The following N4BP2 variants were observed in gnomAD, a reference collection of about 807,000 sequenced individuals.
N4BP2 encodes the protein NEDD4 binding protein 2, also known as NEDD4-binding protein 2.
In N4BP2, 91 loss-of-function variants were observed where a neutral mutation model predicts 152.8. That is an observed-to-expected ratio of 0.60 (90% CI 0.50 to 0.71). The LOEUF (loss-of-function observed/expected upper bound fraction) is 0.71. N4BP2 is among the 30% of genes least tolerant of loss of function. The pLI, the probability that N4BP2 is intolerant of heterozygous loss-of-function variation, is 0.00. For missense variants in N4BP2, 1,923 were observed against 2,059.1 expected, an observed-to-expected ratio of 0.93 and a Z score of 1.28; for synonymous variants, 646 against 705.3, an observed-to-expected ratio of 0.92 and a Z score of 1.33.
At chr4:40,084,231 G>C (rs530421441) in intron 2 of N4BP2, among the ~76,000 whole-genome samples, 1 of 152,258 alleles carries the variant, frequency 6.6e-6, no homozygotes, top group South Asian at 2.1e-4. Context: ...GATTACAGGC[G>C]TGAGCCACCG....
intron 1 of N4BP2, among the ~76,000 whole-genome samples, chr4:40,066,452 G>A: frequency 6.6e-6 from 1 of 151,556 alleles, no homozygotes; most frequent in Non-Finnish European, 1.5e-5. Context: ...CCAAGTACCT[G>A]GGACTACAGG....
chr4:40,175,430 G>C, the N4BP2 span, among the ~76,000 whole-genome samples: 1 of 152,144 alleles, frequency 6.6e-6, no homozygotes, highest in South Asian at 2.1e-4. Context: ...GATAGAGGAT[G>C]GGGGGATACA....
At position 40,138,987 on chromosome 4, in the gene N4BP2, G is replaced by T. The variant is rs73144073; in HGVS notation, c.4785+1905G>T. On this transcript the variant is annotated intron_variant, in intron 14 of 17. Transcript: ENST00000261435. ...AGAAGCCAGCTAGAATTTTGATGGG[G>T]TTCGTGTTGAATATGTAGACCAATT... 2.0e-3 allele frequency among the ~76,000 whole-genome samples: 310 copies of T among 152,258 alleles called. 4 individuals carry two copies. The highest frequency in any genetic ancestry group is 7.1e-3 in the African/African-American group (296 of 41,554).
Position 40,117,859 on chromosome 4 carries a change from G to T in N4BP2, c.1665-10G>T. 2 of 1,580,410 alleles carry T rather than the reference G, an allele frequency of 1.3e-6. No homozygotes were observed. Among genetic ancestry groups the T allele is most frequent in the Non-Finnish European group, 1.7e-6 (2 of 1,165,834 alleles). ...ATTCCTTCAACCCTTTTTTCCCCTGGAATTTTCAGGCGTAACATTCATGGG... is the reference window on the plus strand; with the variant it reads ...ATTCCTTCAACCCTTTTTTCCCCTGTAATTTTCAGGCGTAACATTCATGGG... On this transcript the variant is annotated splice_polypyrimidine_tract_variant and intron_variant, in intron 7 of 17. Transcript: ENST00000261435.
At chr4:40,152,682 T>G in intron 16 of N4BP2, 98 bp from the exon 17 acceptor site, 1 of 1,399,526 alleles carries the variant, frequency 7.1e-7, no homozygotes, top group South Asian at 1.3e-5. Context: ...AAAATCCTCA[T>G]GAAAACAATT....
At chr4:40,174,003 A>T in the N4BP2 span, among the ~76,000 whole-genome samples, 2 of 152,186 alleles carry the variant, frequency 1.3e-5, no homozygotes, top group African/African-American at 4.8e-5. Flanking sequence ...AAACACTAAA[A>T]CTACAAAAAA....
At chr4:40,090,629 C>G (rs1714436222) in intron 2 of N4BP2, among the ~76,000 whole-genome samples, 1 of 152,052 alleles carries the variant, frequency 6.6e-6, no homozygotes, top group African/African-American at 2.4e-5. Context: ...TATGTATTGT[C>G]TTGCTTAAAG....
chr4:40,181,418 A>G, the N4BP2 span, among the ~76,000 whole-genome samples: 7 of 152,182 alleles, frequency 4.6e-5, no homozygotes, highest in Non-Finnish European at 1.0e-4. Flanking sequence ...TTAGGATTAG[A>G]TTAAATTGTA....
At position 40,156,032 on chromosome 4, in the gene N4BP2, A is replaced by C. The variant is rs545941276; in HGVS notation, c.*1795A>C. On this transcript the variant is annotated 3_prime_UTR_variant, in exon 18 of 18. Transcript: ENST00000261435. ...TGTAATCTCTAGAACAGTTCTATAC[A>C]TTAAAAATAAACATTAAAAATAAAG... 1 of 152,318 alleles carries C rather than the reference A, an allele frequency of 6.6e-6. No homozygotes were observed. Among genetic ancestry groups the C allele is most frequent in the East Asian group, 1.9e-4 (1 of 5,194 alleles). The allele number at this position is 152,318 out of a possible 1,614,324, so 9.4% of individuals were successfully genotyped here.
At chr4:40,100,665 C>T (rs1286913688) in intron 3 of N4BP2, among the ~76,000 whole-genome samples, 1 of 152,160 alleles carries the variant, frequency 6.6e-6, no homozygotes, top group Non-Finnish European at 1.5e-5. Context: ...AGCTGCCACA[C>T]CTGGCCTTAA....
At chr4:40,100,868 T>A (rs964226796) in intron 3 of N4BP2, among the ~76,000 whole-genome samples, 1 of 152,218 alleles carries the variant, frequency 6.6e-6, no homozygotes, top group Non-Finnish European at 1.5e-5. Flanking sequence ...AGTGAGGTGA[T>A]GTGTATAAAA....
intron 16 of N4BP2, among the ~76,000 whole-genome samples, chr4:40,150,163 A>G (rs1328963043): frequency 6.6e-6 from 1 of 152,218 alleles, no homozygotes; most frequent in Non-Finnish European, 1.5e-5. Context: ...AAAATCGGAG[A>G]TGAATTTTTT....
At chr4:40,170,435 A>G in the N4BP2 span, among the ~76,000 whole-genome samples, 1 of 151,940 alleles carries the variant, frequency 6.6e-6, no homozygotes, top group Non-Finnish European at 1.5e-5. Context: ...CCTCGGCAAC[A>G]TGACGATACC....
At chr4:40,082,275 C>CACAA (rs1553919144) in intron 2 of N4BP2, among the ~76,000 whole-genome samples, 1 of 95,056 alleles carries the variant, frequency 1.1e-5, no homozygotes, top group Non-Finnish European at 2.0e-5. Flanking sequence ...GACCCTGTCT[C>CACAA]AAAAAAAAAA....
chr4:40,112,108 T>TA lies in N4BP2; in HGVS notation c.1524dup (p.Ser509IlefsTer7). Reference sequence around the variant, plus strand: ...GCAAAAGAAGCATTTGAGAAGAAGATATCTCCTATAATTATAGATAATACA... The same window carrying TA: ...GCAAAAGAAGCATTTGAGAAGAAGATAATCTCCTATAATTATAGATAATACA... On this transcript the variant is annotated frameshift_variant, in exon 6 of 18. Coordinates refer to ENST00000261435, the MANE Select transcript of N4BP2 (RefSeq NM_018177.6). LOFTEE classifies it high-confidence loss of function. 1 of 1,555,160 alleles carries TA rather than the reference T, an allele frequency of 6.4e-7. No individual in the cohort carries two copies. Among genetic ancestry groups the TA allele is most frequent in the African/African-American group, 1.4e-5 (1 of 72,494 alleles).
intron 14 of N4BP2, among the ~76,000 whole-genome samples, chr4:40,139,789 C>G (rs1217337529): frequency 2.1e-5 from 3 of 145,838 alleles, no homozygotes; most frequent in Admixed American, 1.4e-4. Flanking sequence ...CTGCGCCAGG[C>G]CTAGCATTAG....
At chr4:40,070,894 C>T (rs567755787) in intron 1 of N4BP2, among the ~76,000 whole-genome samples, 15 of 150,308 alleles carry the variant, frequency 1.0e-4, no homozygotes, top group Non-Finnish European at 2.1e-4. Flanking sequence ...GCGTGATCTT[C>T]GCTCACTGCA....
intron 4 of N4BP2, 68 bp downstream of exon 4, chr4:40,103,286 T>C: frequency 7.4e-7 from 1 of 1,357,506 alleles, no homozygotes; most frequent in Non-Finnish European, 1.0e-6. Context: ...TATGAATAAA[T>C]AGGCAAAATG....
At chr4:40,149,578 ATC>A (rs895912518) in intron 16 of N4BP2, among the ~76,000 whole-genome samples, 5 of 152,340 alleles carry the variant, frequency 3.3e-5, no homozygotes, top group African/African-American at 1.2e-4. Flanking sequence ...TGTTAATTTT[ATC>A]TCAATTAAAA....
Sources: gnomAD v4.1 joint callset for allele counts (sites outside exome capture counted in the v4.1 genomes callset) on GRCh38, gnomAD v4.1.1 for gene constraint, MANE v1.5 for transcripts, NCBI Gene and HGNC (gene_info 2026-07-23, HGNC 2026-07-21) for gene names.